The following WASL variants were observed in gnomAD, a reference collection of about 807,000 sequenced individuals.
WASL encodes the protein actin nucleation-promoting factor WASL.
A neutral mutation model predicts 55.5 loss-of-function variants in WASL; 20 were observed. That is an observed-to-expected ratio of 0.36 (90% CI 0.25 to 0.52). The LOEUF is 0.52. Ranked by LOEUF, WASL falls within the 20% of genes least tolerant of loss-of-function variation. The pLI is 0.92. For synonymous variants in WASL, 249 were observed against 217.6 expected, an observed-to-expected ratio of 1.14 and a Z score of -1.27; for missense variants, 504 against 622.5, an observed-to-expected ratio of 0.81 and a Z score of 2.03.
At chr7:123,696,143 T>TTA (rs952822899) in intron 6 of WASL, among the ~76,000 whole-genome samples, 3 of 151,990 alleles carry the variant, frequency 2.0e-5, no homozygotes, top group African/African-American at 7.2e-5. Context: ...AGTCCAAGCA[T>TTA]TATATATATG....
Position 123,707,431 on chromosome 7 carries a change from G to A in WASL, c.253-605C>T, listed in dbSNP as rs76336756. Among the ~76,000 whole-genome samples the A allele has an allele frequency of 1.1e-4, 17 of 152,186 alleles. No homozygotes were observed. In the East Asian group the frequency reaches 3.1e-3, roughly 28 times the overall value. On this transcript the variant is annotated intron_variant, in intron 2 of 10. Coordinates refer to ENST00000223023, the MANE Select transcript of WASL (RefSeq NM_003941.4). ...GAGACTGATAATTAAAATGTATCAA[G>A]GTTAAACTATGGATAAGAGTGCCAT...
In WASL at chr7:123,696,652, T is replaced by C; in HGVS notation, c.556A>G (p.Lys186Glu). 6.2e-7 allele frequency: 1 copy of C among 1,606,254 alleles called. No homozygotes were observed. The highest frequency in any genetic ancestry group is 1.1e-5 in the South Asian group (1 of 89,724). ...GPQVNNISHT[K>E]EKKKGKAKKK... is the part of the protein sequence containing the mutation. The stretch of plus-strand genomic sequence containing the variant: ...TTAGCTTTTCCCTTCTTCTTTTCTT[T>C]GGTATGGGAGATGTTGTTGACTTGT... The change falls in exon 6 of 11, where the codon AAA (lysine) becomes GAA (glutamate). Residue 186 changes from lysine to glutamate, a missense_variant. Physicochemically the swap from Lys to Glu is moderately conservative, Grantham distance 56. This residue lies in a region of WASL where 230 missense variants were observed against 271.9 expected (regional missense o/e 0.85). Transcript: ENST00000223023.
chr7:123,748,495 CGGGGCT>C, intron 1 of WASL, 117 bp downstream of exon 1: 1 of 967,866 alleles, frequency 1.0e-6, no homozygotes, highest in Non-Finnish European at 1.5e-6. Flanking sequence ...GGGCCGGGGC[CGGGGCT>C]GGCGGGAGGC....
intron 2 of WASL, among the ~76,000 whole-genome samples, chr7:123,708,383 T>G (rs933395256): frequency 1.3e-5 from 2 of 152,176 alleles, no homozygotes; most frequent in Non-Finnish European, 2.9e-5. Context: ...GCAGTTTTAG[T>G]TTTTTGTAAT....
At chr7:123,720,902 A>G (rs1803934140) in intron 1 of WASL, among the ~76,000 whole-genome samples, 1 of 152,138 alleles carries the variant, frequency 6.6e-6, no homozygotes, top group South Asian at 2.1e-4. Context: ...TACTCAAATC[A>G]CATTATGGTG....
chr7:123,740,136 T>C (rs1246884428), intron 1 of WASL, among the ~76,000 whole-genome samples: 2 of 152,094 alleles, frequency 1.3e-5, no homozygotes, highest in Non-Finnish European at 2.9e-5. Context: ...AGTTTATGCA[T>C]CAGTTTATGT....
At chr7:123,689,245 G>T in intron 9 of WASL, 95 bp from the exon 10 acceptor site, 1 of 987,074 alleles carries the variant, frequency 1.0e-6, no homozygotes, top group Non-Finnish European at 1.5e-6. Context: ...ACTTCTTATT[G>T]TAAAAGACAA....
chr7:123,744,814 A>G (rs890200589), intron 1 of WASL, among the ~76,000 whole-genome samples: 2 of 152,200 alleles, frequency 1.3e-5, no homozygotes, highest in Non-Finnish European at 2.9e-5. Context: ...CAACAGATCT[A>G]ACTACAAAAT....
At chr7:123,718,403 G>A (rs192892275) in intron 1 of WASL, among the ~76,000 whole-genome samples, 156 of 152,178 alleles carry the variant, frequency 1.0e-3, no homozygotes, top group Non-Finnish European at 2.0e-3. Flanking sequence ...CACACTTAAC[G>A]AAACAACTTT....
intron 1 of WASL, among the ~76,000 whole-genome samples, chr7:123,712,509 T>C (rs1305492036): frequency 1.3e-5 from 2 of 152,206 alleles, no homozygotes; most frequent in African/African-American, 4.8e-5. Flanking sequence ...ATAACATGCA[T>C]GTATACATAT....
intron 1 of WASL, among the ~76,000 whole-genome samples, chr7:123,714,235 C>CTCA (rs898036806): frequency 1.3e-5 from 2 of 152,038 alleles, no homozygotes; most frequent in African/African-American, 4.8e-5. Flanking sequence ...AACAACAACT[C>CTCA]CTGAGAGTGG....
chr7:123,701,865 T>C (rs1035707905), intron 5 of WASL, among the ~76,000 whole-genome samples: 3 of 151,978 alleles, frequency 2.0e-5, no homozygotes, highest in African/African-American at 7.2e-5. Context: ...AATATATTAA[T>C]TCCATATTAT....
At chr7:123,689,369 C>G (rs1158865894) in intron 9 of WASL, among the ~76,000 whole-genome samples, 1 of 152,042 alleles carries the variant, frequency 6.6e-6, no homozygotes, top group African/African-American at 2.4e-5. Context: ...ATGTATAAGC[C>G]AAAAATACAT....
chr7:123,691,398 T>A (rs188597027), intron 9 of WASL, among the ~76,000 whole-genome samples: 131 of 152,294 alleles, frequency 8.6e-4, no homozygotes, highest in Non-Finnish European at 1.2e-3. Flanking sequence ...GATTTTTTTT[T>A]AAAACTATCT....
chr7:123,694,839 A>G lies in WASL; in HGVS notation c.702T>C (p.Asn234=). The change falls in exon 8 of 11, where the codon AAT becomes AAC. Residue 234 remains asparagine (N), a synonymous_variant. Transcript: ENST00000223023. ...DLNNLDPELK[N]LFDMCGISEA... ...CTGAGATTCCACACATATCGAAAAG[A>G]TTCTTCAATTCTGGATCCAAATTAT... The G allele has an allele frequency of 6.2e-7, 1 of 1,610,032 alleles. No homozygotes were observed. Among genetic ancestry groups the G allele is most frequent in the East Asian group, 2.2e-5 (1 of 44,648 alleles).
At chr7:123,724,441 T>C (rs1346125019) in intron 1 of WASL, among the ~76,000 whole-genome samples, 10 of 152,200 alleles carry the variant, frequency 6.6e-5, no homozygotes, top group African/African-American at 2.4e-4. Context: ...CAAGCAAATA[T>C]TTCTCCCTTT....
rs549980276 is a variant in WASL, at chr7:123,693,031, C to T, written c.827-164G>A. Among the ~76,000 whole-genome samples, 6 of 152,026 alleles carry T rather than the reference C, an allele frequency of 3.9e-5. No homozygotes were observed. In the South Asian group the frequency reaches 1.2e-3, roughly 31 times the overall value. The stretch of plus-strand genomic sequence containing the variant: ...ATACCTGAGCACAGATGATATCTCA[C>T]AATTTTTTTTGAGAATTGTCAGCCT... On this transcript the variant is annotated intron_variant, in intron 8 of 10. Transcript: ENST00000223023.
intron 2 of WASL, 132 bp from the exon 3 acceptor site, chr7:123,706,958 T>C (rs1803682140): frequency 2.1e-6 from 1 of 469,548 alleles, no homozygotes; most frequent in Non-Finnish European, 3.7e-6. Flanking sequence ...GTAACATATT[T>C]ATAATATATA....
At chr7:123,684,644 G>A in intron 10 of WASL, 64 bp from the exon 11 acceptor site, 1 of 1,456,106 alleles carries the variant, frequency 6.9e-7, no homozygotes, top group Non-Finnish European at 9.2e-7. Context: ...TAATTCTTGG[G>A]TGGTTTCTCC....
Sources: allele counts gnomAD v4.1 joint callset (sites outside exome capture counted in the v4.1 genomes callset), GRCh38; gene constraint gnomAD v4.1.1; regional missense constraint gnomAD v4.1.1; transcripts MANE v1.5; gene names NCBI Gene and HGNC (gene_info 2026-07-23, HGNC 2026-07-21).